Variants in KCNQ3 observed in about 807,000 individuals in gnomAD.
KCNQ3 encodes potassium voltage-gated channel subfamily Q member 3, also known as potassium voltage-gated channel subfamily KQT member 3.
KCNQ3 carries 30 observed loss-of-function variants against 92.5 expected under a neutral mutation model. The observed-to-expected ratio is 0.32, with a 90% CI of 0.24 to 0.44. The LOEUF (loss-of-function observed/expected upper bound fraction) is 0.44. KCNQ3 is among the 20% of genes least tolerant of loss of function. The pLI, the probability that KCNQ3 is intolerant of heterozygous loss-of-function variation, is 1.00. For missense variants in KCNQ3, 913 were observed against 1,140.3 expected, an observed-to-expected ratio of 0.80 and a Z score of 2.87; for synonymous variants, 450 against 468.8, an observed-to-expected ratio of 0.96 and a Z score of 0.52.
In KCNQ3 at chr8:132,129,950, A is replaced by C. The variant is rs1824814745; in HGVS notation, c.1931T>G (p.Met644Arg). ...KKLDFLVDMH[M>R]QHMERLQVQV... Reference sequence around the variant, plus strand: ...CACCTGCAACCGTTCCATGTGTTGCATGTGCATATCCACGAGGAAGTCCAG... The same window carrying C: ...CACCTGCAACCGTTCCATGTGTTGCCTGTGCATATCCACGAGGAAGTCCAG... Residue 644 changes from methionine to arginine, a missense_variant, in exon 15 of 15, where the codon ATG becomes AGG. Met to Arg is a moderately conservative substitution (Grantham distance 91). Coordinates refer to ENST00000388996, the MANE Select transcript of KCNQ3 (RefSeq NM_004519.4). The surrounding 1 kb of genome is among the most constrained non-coding windows in gnomAD (Gnocchi z 5.9). 1.9e-6 allele frequency: 3 copies of C among 1,613,998 alleles called. No homozygotes were observed. Among genetic ancestry groups the C allele is most frequent in the South Asian group, 2.2e-5 (2 of 91,088 alleles).
chr8:132,409,635 C>T (rs940262148), intron 1 of KCNQ3, among the ~76,000 whole-genome samples: 1 of 152,208 alleles, frequency 6.6e-6, no homozygotes, highest in Non-Finnish European at 1.5e-5. Flanking sequence ...TAATGTCTGA[C>T]AGGTAGAAGA....
chr8:132,158,541 T>G (rs1203731460), intron 9 of KCNQ3, among the ~76,000 whole-genome samples: 1 of 152,160 alleles, frequency 6.6e-6, no homozygotes, highest in African/African-American at 2.4e-5. Context: ...AAGGGACACC[T>G]GCTGTGACTG....
intron 1 of KCNQ3, among the ~76,000 whole-genome samples, chr8:132,320,314 G>A (rs1817862231): frequency 6.6e-6 from 1 of 152,144 alleles, no homozygotes; most frequent in Admixed American, 6.5e-5. Flanking sequence ...TGTGAAATGG[G>A]GTTGACACAA....
chr8:132,351,757 A>G lies in KCNQ3; in HGVS notation c.386+128390T>C, dbSNP rs189732440. Among the ~76,000 whole-genome samples, 792 of 152,256 alleles carry G rather than the reference A, an allele frequency of 5.2e-3. 10 individuals carry two copies. The highest frequency in any genetic ancestry group is 0.013 in the South Asian group (62 of 4,818). On this transcript the variant is annotated intron_variant, in intron 1 of 14. Coordinates refer to ENST00000388996, the MANE Select transcript of KCNQ3 (RefSeq NM_004519.4). ...AGAAGCATCCCACTCACTGAACCAG[A>G]AGCAGCCTCCTTGACTCAGTTTTGC...
chr8:132,131,871 T>G (rs1384008234), intron 14 of KCNQ3, among the ~76,000 whole-genome samples: 1 of 152,120 alleles, frequency 6.6e-6, no homozygotes, highest in Non-Finnish European at 1.5e-5. Flanking sequence ...GCAGATCACC[T>G]GAGGTCAGGA....
At chr8:132,469,019 T>C (rs898578402) in intron 1 of KCNQ3, among the ~76,000 whole-genome samples, 24 of 152,230 alleles carry the variant, frequency 1.6e-4, no homozygotes, top group African/African-American at 4.8e-4. Flanking sequence ...ACAATGTGGA[T>C]GGGATTTGAT....
intron 1 of KCNQ3, among the ~76,000 whole-genome samples, chr8:132,223,436 G>A (rs927677977): frequency 6.6e-6 from 1 of 152,182 alleles, no homozygotes; most frequent in Non-Finnish European, 1.5e-5. Flanking sequence ...GTCAGAGCAG[G>A]GGTAGCTTGG....
chr8:132,406,225 G>A (rs1223803217), intron 1 of KCNQ3, among the ~76,000 whole-genome samples: 1 of 152,160 alleles, frequency 6.6e-6, no homozygotes, highest in Non-Finnish European at 1.5e-5. Flanking sequence ...GGTGGTGAGG[G>A]TGCCAATTGT....
At chr8:132,326,980 G>A (rs572218460) in intron 1 of KCNQ3, among the ~76,000 whole-genome samples, 34 of 152,158 alleles carry the variant, frequency 2.2e-4, no homozygotes, top group South Asian at 8.3e-4. Context: ...TACAGCCTCC[G>A]GCCATATTCT....
chr8:132,183,893 CTT>C (rs1826872301), intron 3 of KCNQ3, among the ~76,000 whole-genome samples: 3 of 152,314 alleles, frequency 2.0e-5, no homozygotes, highest in East Asian at 3.9e-4. Flanking sequence ...GTATGGGTAA[CTT>C]TGATTGTCAC....
At position 132,411,967 on chromosome 8, in the gene KCNQ3, T is replaced by C. The variant is rs1292573325; in HGVS notation, c.386+68180A>G. On this transcript the variant is annotated intron_variant, in intron 1 of 14. Coordinates refer to ENST00000388996, the MANE Select transcript of KCNQ3 (RefSeq NM_004519.4). ...CTTCCACCACTCTTTTGAGCACCAATTCAGTGCCAGCTGGCCTTTTCTGGG... is the reference window on the plus strand; with the variant it reads ...CTTCCACCACTCTTTTGAGCACCAACTCAGTGCCAGCTGGCCTTTTCTGGG... 2.2e-4 allele frequency among the ~76,000 whole-genome samples: 34 copies of C among 152,156 alleles called. 1 individual carries two copies. Among genetic ancestry groups the C allele is most frequent in the Admixed American group, 2.1e-3 (32 of 15,278 alleles).
At chr8:132,268,971 A>T (rs923790299) in intron 1 of KCNQ3, among the ~76,000 whole-genome samples, 6 of 152,172 alleles carry the variant, frequency 3.9e-5, no homozygotes, top group Non-Finnish European at 8.8e-5. Flanking sequence ...GATTTCCCTG[A>T]TGCAATGTAT....
chr8:132,308,433 G>C (rs1817495964), intron 1 of KCNQ3, among the ~76,000 whole-genome samples: 1 of 152,164 alleles, frequency 6.6e-6, no homozygotes, highest in Admixed American at 6.5e-5. Flanking sequence ...GGAGGGGAAA[G>C]GCTTGACAAG....
intron 1 of KCNQ3, among the ~76,000 whole-genome samples, chr8:132,271,187 A>T (rs1816136835): frequency 6.6e-6 from 1 of 152,268 alleles, no homozygotes; most frequent in Admixed American, 6.5e-5. Context: ...CAAGGCCTCA[A>T]GCAAGAGCCA....
intron 1 of KCNQ3, among the ~76,000 whole-genome samples, chr8:132,341,246 T>G (rs1213048805): frequency 6.6e-6 from 1 of 151,884 alleles, no homozygotes; most frequent in Non-Finnish European, 1.5e-5. Flanking sequence ...CAGGCAGGAG[T>G]CATTCACAAA....
At position 132,480,537 on chromosome 8, in the gene KCNQ3, C is replaced by G. The variant is rs2130875493; in HGVS notation, c.-5G>C. The G allele has an allele frequency of 8.0e-7, 1 of 1,251,002 alleles. No homozygotes were observed. The highest frequency in any genetic ancestry group is 1.0e-6 in the Non-Finnish European group (1 of 977,192). 77.5% of individuals were successfully genotyped at this position (1,251,002 alleles called of 1,614,324 possible). On this transcript the variant is annotated 5_prime_UTR_variant, in exon 1 of 15. Transcript: ENST00000388996. The stretch of plus-strand genomic sequence containing the variant: ...CCTGCGCGCCTTGAGCCCCATCTGC[C>G]TCGCCCCCGCCGGCCGCTTCGCCTT...
chr8:132,351,195 G>C (rs1055286025), intron 1 of KCNQ3, among the ~76,000 whole-genome samples: 2 of 152,176 alleles, frequency 1.3e-5, no homozygotes, highest in Admixed American at 6.5e-5. Context: ...AATCCCCAAG[G>C]CTGGGATGGA....
At chr8:132,262,634 G>GTTTTTT (rs10629932) in intron 1 of KCNQ3, among the ~76,000 whole-genome samples, 7 of 141,818 alleles carry the variant, frequency 4.9e-5, no homozygotes, top group Non-Finnish European at 1.1e-4. Context: ...TCTTACAGCA[G>GTTTTTT]TTTTTTTTTT....
chr8:132,162,170 A>T (rs1826010845), intron 9 of KCNQ3, among the ~76,000 whole-genome samples: 1 of 152,232 alleles, frequency 6.6e-6, no homozygotes, highest in Non-Finnish European at 1.5e-5. Context: ...AAAGCCTCAA[A>T]ATGCATCTAT....
Sources: gnomAD v4.1 joint callset for allele counts (sites outside exome capture counted in the v4.1 genomes callset) on GRCh38, gnomAD v4.1.1 for gene constraint, Gnocchi (gnomAD v3.1) non-coding constraint, MANE v1.5 for transcripts, NCBI Gene and HGNC (gene_info 2026-07-23, HGNC 2026-07-21) for gene names.